GRM8: variants seen among roughly 807,000 people sequenced by gnomAD.
GRM8 encodes metabotropic glutamate receptor 8.
In GRM8, 47 loss-of-function variants were observed where a neutral mutation model predicts 87.2. That is an observed-to-expected ratio of 0.54 (90% CI 0.43 to 0.69). The LOEUF is 0.69. GRM8 is among the 30% of genes least tolerant of loss of function. The pLI, the probability that GRM8 is intolerant of heterozygous loss-of-function variation, is 0.00. For synonymous variants in GRM8, 396 were observed against 404.5 expected (o/e 0.98, Z 0.25); for missense variants, 1,019 against 1,139.2 (o/e 0.89, Z 1.52).
At chr7:127,176,307 A>C (rs1794103138) in intron 2 of GRM8, among the ~76,000 whole-genome samples, 1 of 152,226 alleles carries the variant, frequency 6.6e-6, no homozygotes, top group African/African-American at 2.4e-5. Context: ...AACAGATATG[A>C]ACATGGTAGA....
At chr7:126,920,788 T>G (rs1050211761) in intron 3 of GRM8, among the ~76,000 whole-genome samples, 1 of 152,094 alleles carries the variant, frequency 6.6e-6, no homozygotes, top group African/African-American at 2.4e-5. Context: ...CCTCTCCCTG[T>G]TTAGCATCCA....
intron 6 of GRM8, among the ~76,000 whole-genome samples, chr7:126,844,191 A>G (rs1465415179): frequency 6.6e-6 from 1 of 152,200 alleles, no homozygotes; most frequent in Non-Finnish European, 1.5e-5. Flanking sequence ...ATTTTGAGAC[A>G]CTGATTATTG....
In GRM8 at chr7:127,243,315, G is replaced by T; in HGVS notation, c.-111C>A. The stretch of plus-strand genomic sequence containing the variant: ...GGAGGCTACCATCAGGGCCCATGGG[G>T]AAAAGGCTCTGTGGGCATTAGCAAG... On this transcript the variant is annotated 5_prime_UTR_variant, in exon 2 of 11. Transcript: ENST00000339582. The T allele has an allele frequency of 1.1e-6, 1 of 946,888 alleles. No homozygotes were observed. The highest frequency in any genetic ancestry group is 1.6e-6 in the Non-Finnish European group (1 of 633,392). 58.7% of individuals were successfully genotyped at this position (946,888 alleles called of 1,614,324 possible).
intron 2 of GRM8, among the ~76,000 whole-genome samples, chr7:127,145,336 T>A (rs1828499319): frequency 6.6e-6 from 1 of 152,150 alleles, no homozygotes; most frequent in Non-Finnish European, 1.5e-5. Flanking sequence ...AACCACATTC[T>A]CTTTATTATG....
chr7:127,105,312 T>C (rs925197651), intron 3 of GRM8: 1 of 152,228 alleles, frequency 6.6e-6, no homozygotes. Context: ...TGTGAACAGT[T>C]GTCCAATTAA....
At chr7:126,995,678 A>G (rs959097068) in intron 3 of GRM8, among the ~76,000 whole-genome samples, 2 of 152,140 alleles carry the variant, frequency 1.3e-5, no homozygotes, top group African/African-American at 4.8e-5. Context: ...AGACAAAATA[A>G]AAAGGAATAA....
At chr7:126,744,410 T>G (rs982440856) in intron 7 of GRM8, among the ~76,000 whole-genome samples, 2 of 152,064 alleles carry the variant, frequency 1.3e-5, no homozygotes. Flanking sequence ...TTTGGAAAAC[T>G]TGCATACTCC....
intron 7 of GRM8, among the ~76,000 whole-genome samples, chr7:126,768,382 G>A (rs1401133800): frequency 2.4e-3 from 56 of 23,628 alleles, no homozygotes; most frequent in South Asian, 6.1e-3. Flanking sequence ...AAAAAAAAAA[G>A]TGGACAGAAC....
chr7:127,048,768 A>C (rs11563776), intron 3 of GRM8, among the ~76,000 whole-genome samples: 4 of 152,146 alleles, frequency 2.6e-5, no homozygotes, highest in Non-Finnish European at 5.9e-5. Flanking sequence ...TTCATAAACT[A>C]TTTAATGTAT....
intron 3 of GRM8, among the ~76,000 whole-genome samples, chr7:126,974,611 T>C (rs1283476933): frequency 6.6e-6 from 1 of 152,124 alleles, no homozygotes; most frequent in Non-Finnish European, 1.5e-5. Flanking sequence ...CTTCCCAGGT[T>C]ATTGTGATGT....
intron 3 of GRM8, among the ~76,000 whole-genome samples, chr7:127,031,885 C>A (rs1283457398): frequency 6.6e-6 from 1 of 152,044 alleles, no homozygotes; most frequent in Non-Finnish European, 1.5e-5. Context: ...TCTTTAATAC[C>A]TAAGAAGTTC....
At chr7:126,847,668 C>A (rs912372660) in intron 6 of GRM8, among the ~76,000 whole-genome samples, 1 of 152,052 alleles carries the variant, frequency 6.6e-6, no homozygotes, top group African/African-American at 2.4e-5. Flanking sequence ...CTCAGGGATC[C>A]CAAGACATGA....
chr7:126,846,863 C>T (rs745498313), intron 6 of GRM8, among the ~76,000 whole-genome samples: 15 of 152,098 alleles, frequency 9.9e-5, no homozygotes, highest in African/African-American at 1.4e-4. Flanking sequence ...GTGTGGACCA[C>T]GGCCAGAACA....
intron 7 of GRM8, among the ~76,000 whole-genome samples, chr7:126,613,016 T>A (rs1799074318): frequency 6.6e-6 from 1 of 152,198 alleles, no homozygotes; most frequent in Admixed American, 6.5e-5. Flanking sequence ...GACCCTTGCA[T>A]CTTGTTTTCC....
intron 3 of GRM8, among the ~76,000 whole-genome samples, chr7:126,961,618 G>A (rs1809333302): frequency 6.6e-6 from 1 of 152,188 alleles, no homozygotes. Flanking sequence ...CACAGAGCAG[G>A]TGCTCTCAGA....
intron 9 of GRM8, among the ~76,000 whole-genome samples, chr7:126,526,625 T>C (rs1174102256): frequency 4.6e-5 from 7 of 152,244 alleles, no homozygotes; most frequent in Admixed American, 3.9e-4. Flanking sequence ...AAAAGATTCA[T>C]TGAGCAAATA....
intron 7 of GRM8, among the ~76,000 whole-genome samples, chr7:126,692,865 A>G: frequency 6.6e-6 from 1 of 152,164 alleles, no homozygotes; most frequent in East Asian, 1.9e-4. Flanking sequence ...CCTTCCAAAT[A>G]TCAATCTTGT....
At chr7:126,448,404 C>A (rs1802256410) in intron 9 of GRM8, among the ~76,000 whole-genome samples, 1 of 151,862 alleles carries the variant, frequency 6.6e-6, no homozygotes, top group Admixed American at 6.6e-5. Context: ...TAATAAACAT[C>A]CTATACATTT....
intron 7 of GRM8, among the ~76,000 whole-genome samples, chr7:126,753,101 C>T (rs569550169): frequency 6.6e-6 from 1 of 152,028 alleles, no homozygotes; most frequent in South Asian, 2.1e-4. Flanking sequence ...GCAATGTCCT[C>T]TTTTAGCTCC....
Sources: allele counts gnomAD v4.1 joint callset (sites outside exome capture counted in the v4.1 genomes callset), GRCh38; gene constraint gnomAD v4.1.1; transcripts MANE v1.5; gene names NCBI Gene and HGNC (gene_info 2026-07-23, HGNC 2026-07-21).